Variants in XRCC4 observed in about 807,000 individuals in gnomAD.
XRCC4 encodes the protein DNA repair protein XRCC4.
Under a neutral mutation model 39.1 loss-of-function variants are expected in XRCC4, and 28 were observed. That is an observed-to-expected ratio of 0.72 (90% CI 0.53 to 0.98). XRCC4 has a LOEUF of 0.98. XRCC4 is among the 50% of genes least tolerant of loss of function. The pLI is 0.00. For synonymous variants in XRCC4, 123 were observed against 126.4 expected, an observed-to-expected ratio of 0.97 and a Z score of 0.18; for missense variants, 350 against 376.4, an observed-to-expected ratio of 0.93 and a Z score of 0.58.
chr5:83,117,631 A>ATGTG lies in XRCC4; in HGVS notation c.315+6468_315+6471dup, dbSNP rs70973379. Among the ~76,000 whole-genome samples the ATGTG allele has an allele frequency of 5.4e-3, 789 of 145,980 alleles. 2 individuals carry two copies. The highest frequency in any genetic ancestry group is 8.5e-3 in the Non-Finnish European group (569 of 66,662). Reference sequence around the variant, plus strand: ...TAACATATTGTAGAGCTACATATATATGTGTGTGTGTGTGTGTGTGTGTGT... The same window carrying ATGTG: ...TAACATATTGTAGAGCTACATATATATGTGTGTGTGTGTGTGTGTGTGTGTGTGT... On this transcript the variant is annotated intron_variant, in intron 3 of 7. Transcript: ENST00000396027.
chr5:83,178,704 T>C (rs1750072635), intron 3 of XRCC4, among the ~76,000 whole-genome samples: 1 of 152,190 alleles, frequency 6.6e-6, no homozygotes, highest in South Asian at 2.1e-4. Context: ...TTGAATTTGC[T>C]TAAACATTCA....
intron 3 of XRCC4, among the ~76,000 whole-genome samples, chr5:83,117,919 A>C (rs1746812767): frequency 6.6e-6 from 1 of 151,580 alleles, no homozygotes; most frequent in Non-Finnish European, 1.5e-5. Flanking sequence ...GACCAGCCCC[A>C]GTATGCATTG....
chr5:83,363,070 G>A, the XRCC4 span, among the ~76,000 whole-genome samples: 1 of 152,148 alleles, frequency 6.6e-6, no homozygotes, highest in Admixed American at 6.5e-5. Context: ...CAAGATACGT[G>A]GTAAGTGCTG....
In XRCC4 at chr5:83,229,494, G is replaced by A. The variant is rs540953465; in HGVS notation, c.745+24573G>A. Reference sequence around the variant, plus strand: ...ACCAATGACGGGTTGTGAAGAAGATGCTATCCACCCTGCTCTGAATGCATT... The same window carrying A: ...ACCAATGACGGGTTGTGAAGAAGATACTATCCACCCTGCTCTGAATGCATT... On this transcript the variant is annotated intron_variant, in intron 6 of 7. Coordinates refer to ENST00000396027, the MANE Select transcript of XRCC4 (RefSeq NM_003401.5). Among the ~76,000 whole-genome samples the A allele has an allele frequency of 2.5e-4, 38 of 151,726 alleles. No homozygotes were observed. The East Asian group carries it at 6.6e-3, about 26-fold the overall frequency.
the XRCC4 span, among the ~76,000 whole-genome samples, chr5:83,364,720 G>C: frequency 6.6e-6 from 1 of 152,212 alleles, no homozygotes; most frequent in African/African-American, 2.4e-5. Context: ...AAACACGGTT[G>C]AGTCTTCATT....
chr5:83,177,444 T>C (rs1442574248), intron 3 of XRCC4, among the ~76,000 whole-genome samples: 1 of 152,066 alleles, frequency 6.6e-6, no homozygotes, highest in East Asian at 1.9e-4. Context: ...ATACCTTTTT[T>C]TTTTTTTTTT....
chr5:83,362,513 G>A, the XRCC4 span, among the ~76,000 whole-genome samples: 3 of 152,138 alleles, frequency 2.0e-5, no homozygotes, highest in African/African-American at 4.8e-5. Flanking sequence ...CAAAGGCTAT[G>A]TGTATTTAAC....
At chr5:83,256,377 TG>T (rs1753538380) in intron 6 of XRCC4, among the ~76,000 whole-genome samples, 1 of 152,234 alleles carries the variant, frequency 6.6e-6, no homozygotes, top group Non-Finnish European at 1.5e-5. Context: ...TTTGGAATTC[TG>T]AAATGAATGG....
chr5:83,190,784 T>C (rs1260287906), intron 3 of XRCC4, among the ~76,000 whole-genome samples: 1 of 152,202 alleles, frequency 6.6e-6, no homozygotes. Flanking sequence ...GAAAACTGAG[T>C]ATATAACTAT....
At chr5:83,149,818 A>G (rs2099391365) in intron 3 of XRCC4, among the ~76,000 whole-genome samples, 1 of 152,094 alleles carries the variant, frequency 6.6e-6, no homozygotes, top group East Asian at 1.9e-4. Context: ...ATACTCTGTT[A>G]CAACCCAGCT....
intron 4 of XRCC4, among the ~76,000 whole-genome samples, chr5:83,198,007 C>G (rs1416952828): frequency 1.3e-5 from 2 of 152,110 alleles, no homozygotes; most frequent in African/African-American, 2.4e-5. Context: ...TTAGTGTTCC[C>G]TCACTAGAGC....
chr5:83,284,299 T>C (rs909933115), intron 7 of XRCC4, among the ~76,000 whole-genome samples: 1 of 151,950 alleles, frequency 6.6e-6, no homozygotes, highest in South Asian at 2.1e-4. Context: ...CACAATATTG[T>C]ACCTTAACTC....
the XRCC4 span, among the ~76,000 whole-genome samples, chr5:83,363,807 A>C: frequency 2.0e-5 from 3 of 152,120 alleles, no homozygotes; most frequent in Non-Finnish European, 4.4e-5. Context: ...AACATTCCCA[A>C]CCCTGCTTTG....
chr5:83,177,825 C>T (rs891095322), intron 3 of XRCC4, among the ~76,000 whole-genome samples: 18 of 151,960 alleles, frequency 1.2e-4, no homozygotes, highest in African/African-American at 4.1e-4. Context: ...CCTTGTGGGC[C>T]AGGAAGGCTT....
chr5:83,241,959 GA>G, intron 6 of XRCC4, among the ~76,000 whole-genome samples: 1 of 90,958 alleles, frequency 1.1e-5, no homozygotes, highest in East Asian at 1.5e-3. Flanking sequence ...GGAGGAAGAG[GA>G]GGAGGAGGAG....
chr5:83,086,228 A>G (rs1177099522), intron 1 of XRCC4, among the ~76,000 whole-genome samples: 1 of 152,198 alleles, frequency 6.6e-6, no homozygotes, highest in Non-Finnish European at 1.5e-5. Context: ...AATTAGCTAT[A>G]GAGTTGACCC....
chr5:83,168,524 G>A (rs528155874), intron 3 of XRCC4, among the ~76,000 whole-genome samples: 1 of 152,284 alleles, frequency 6.6e-6, no homozygotes, highest in Non-Finnish European at 1.5e-5. Flanking sequence ...TACTATAATG[G>A]AAGGAAGGAT....
chr5:83,149,701 C>T (rs1286210043), intron 3 of XRCC4, among the ~76,000 whole-genome samples: 1 of 152,108 alleles, frequency 6.6e-6, no homozygotes, highest in African/African-American at 2.4e-5. Flanking sequence ...TGCTAAGCTG[C>T]TATCTGGCAG....
chr5:83,330,070 A>G (rs961201478), intron 7 of XRCC4, among the ~76,000 whole-genome samples: 1 of 152,106 alleles, frequency 6.6e-6, no homozygotes, highest in Non-Finnish European at 1.5e-5. Context: ...TTATTTTCAA[A>G]TAATACTCTT....
Sources: allele counts gnomAD v4.1 joint callset (sites outside exome capture counted in the v4.1 genomes callset), GRCh38; gene constraint gnomAD v4.1.1; transcripts MANE v1.5; gene names NCBI Gene and HGNC (gene_info 2026-07-23, HGNC 2026-07-21).